The following CDK14 variants were observed in gnomAD, a reference collection of about 807,000 sequenced individuals.
CDK14 encodes the protein cyclin dependent kinase 14, also known as cyclin-dependent kinase 14.
In CDK14, 34 loss-of-function variants were observed where a neutral mutation model predicts 60.7. The observed-to-expected ratio is 0.56, with a 90% CI of 0.43 to 0.75. The LOEUF is 0.75. Among genes scored for constraint, CDK14 ranks in the 30% least tolerant of loss-of-function variants. The probability of loss-of-function intolerance (pLI) is 0.00; values close to 1 mark genes in which losing one functional copy is unlikely to be tolerated. For synonymous variants in CDK14, 197 were observed against 203.7 expected, an observed-to-expected ratio of 0.97 and a Z score of 0.28; for missense variants, 482 against 564.1, an observed-to-expected ratio of 0.85 and a Z score of 1.47.
At position 91,210,097 on chromosome 7, in the gene CDK14, C is replaced by T. The variant is rs957007539; in HGVS notation, c.*2961C>T. ...GGTAGATTATTGCCTGCCCCTTATA[C>T]ATAGGAATATGCTGCATAATTGCGC... On this transcript the variant is annotated 3_prime_UTR_variant, in exon 15 of 15. Transcript: ENST00000380050. The T allele has an allele frequency of 2.6e-5, 4 of 152,626 alleles. No homozygotes were observed. The highest frequency in any genetic ancestry group is 7.2e-5 in the African/African-American group (3 of 41,438). The allele number at this position is 152,626 out of a possible 1,614,324, so 9.5% of individuals were successfully genotyped here.
Position 91,100,545 on chromosome 7 carries a change from CTG to C in CDK14, c.1155-11995_1155-11994del, listed in dbSNP as rs550351720. 1.1e-3 allele frequency among the ~76,000 whole-genome samples: 172 copies of C among 152,258 alleles called. 1 individual carries two copies. The highest frequency in any genetic ancestry group is 1.5e-3 in the Non-Finnish European group (100 of 68,010). On this transcript the variant is annotated intron_variant, in intron 12 of 14. Coordinates refer to ENST00000380050, the MANE Select transcript of CDK14 (RefSeq NM_001287135.2). ...GTCTATGAATATTTTATGATAATGT[CTG>C]TATCAATGGATTTATGAAAGGTAAA...
intron 6 of CDK14, among the ~76,000 whole-genome samples, chr7:90,895,675 C>T (rs1792313681): frequency 6.8e-6 from 1 of 147,160 alleles, no homozygotes; most frequent in Non-Finnish European, 1.5e-5. Flanking sequence ...ATTCTCCTGC[C>T]TCAGCTTCCC....
chr7:90,856,703 T>C (rs1790830290), intron 5 of CDK14, among the ~76,000 whole-genome samples: 1 of 152,198 alleles, frequency 6.6e-6, no homozygotes, highest in African/African-American at 2.4e-5. Flanking sequence ...ATGAAAATAT[T>C]CAGACTCCAC....
At chr7:90,789,581 T>A (rs1805741548) in intron 4 of CDK14, among the ~76,000 whole-genome samples, 1 of 152,074 alleles carries the variant, frequency 6.6e-6, no homozygotes, top group Admixed American at 6.6e-5. Flanking sequence ...GTATTAGGTA[T>A]TATAAGTACT....
At chr7:91,169,090 A>G (rs1801435480) in intron 14 of CDK14, among the ~76,000 whole-genome samples, 1 of 152,246 alleles carries the variant, frequency 6.6e-6, no homozygotes, top group African/African-American at 2.4e-5. Context: ...TTTAAAGACA[A>G]GAAGAATTCA....
At chr7:91,048,649 C>T (rs1249325089) in intron 11 of CDK14, among the ~76,000 whole-genome samples, 1 of 152,200 alleles carries the variant, frequency 6.6e-6, no homozygotes, top group Non-Finnish European at 1.5e-5. Context: ...TACTTCTTCC[C>T]ACAGCTGCTT....
intron 5 of CDK14, among the ~76,000 whole-genome samples, chr7:90,859,479 T>C (rs1187781668): frequency 6.6e-6 from 1 of 152,226 alleles, no homozygotes; most frequent in African/African-American, 2.4e-5. Context: ...GTATCTAAAA[T>C]ATTATTTTAT....
intron 14 of CDK14, 26 bp downstream of exon 14, chr7:91,118,234 A>ATATCC: frequency 9.5e-7 from 1 of 1,057,864 alleles, no homozygotes; most frequent in Non-Finnish European, 1.4e-6. Context: ...TTACCTGGAA[A>ATATCC]GTAATATTTA....
At chr7:91,135,203 CTG>C (rs942586323) in intron 14 of CDK14, among the ~76,000 whole-genome samples, 16 of 151,162 alleles carry the variant, frequency 1.1e-4, no homozygotes, top group Non-Finnish European at 2.2e-4. Flanking sequence ...AAAAAGAAAA[CTG>C]GGGGACAGAG....
At chr7:90,801,260 G>C (rs1333021230) in intron 5 of CDK14, among the ~76,000 whole-genome samples, 1 of 152,074 alleles carries the variant, frequency 6.6e-6, no homozygotes. Flanking sequence ...ACTCTTCTTT[G>C]TTTTCTTATT....
intron 5 of CDK14, among the ~76,000 whole-genome samples, chr7:90,812,574 A>G (rs1410091074): frequency 6.6e-6 from 1 of 152,214 alleles, no homozygotes; most frequent in Non-Finnish European, 1.5e-5. Flanking sequence ...ATATGTTACT[A>G]ACCTGCACAT....
chr7:91,033,775 C>A (rs892585501), intron 10 of CDK14, among the ~76,000 whole-genome samples: 2 of 152,182 alleles, frequency 1.3e-5, no homozygotes, highest in Non-Finnish European at 2.9e-5. Flanking sequence ...TGCACGTGCA[C>A]GTACATTTCC....
At chr7:90,635,574 T>G (rs1197632304) in intron 2 of CDK14, among the ~76,000 whole-genome samples, 1 of 152,234 alleles carries the variant, frequency 6.6e-6, no homozygotes, top group Non-Finnish European at 1.5e-5. Context: ...TTGTGATGCC[T>G]CCAGCTTTGT....
chr7:90,960,858 C>G (rs1174209902), intron 9 of CDK14, among the ~76,000 whole-genome samples: 1 of 152,010 alleles, frequency 6.6e-6, no homozygotes, highest in Non-Finnish European at 1.5e-5. Context: ...TAAATTTGTT[C>G]TATATGAGGT....
intron 4 of CDK14, among the ~76,000 whole-genome samples, chr7:90,776,794 A>T (rs1805065378): frequency 1.3e-5 from 2 of 152,218 alleles, no homozygotes; most frequent in South Asian, 4.1e-4. Flanking sequence ...AAACTGTTTC[A>T]TCACTGTCCG....
chr7:91,014,063 C>T (rs1796237548), intron 10 of CDK14, among the ~76,000 whole-genome samples: 1 of 151,942 alleles, frequency 6.6e-6, no homozygotes. Context: ...TGAAATATCA[C>T]ACTAGATGAC....
chr7:91,154,704 G>A (rs1800932234), intron 14 of CDK14, among the ~76,000 whole-genome samples: 1 of 152,086 alleles, frequency 6.6e-6, no homozygotes. Context: ...TAATTCATTT[G>A]AAGCAATTAG....
chr7:90,617,712 A>G (rs1799683716), intron 2 of CDK14, among the ~76,000 whole-genome samples: 1 of 152,222 alleles, frequency 6.6e-6, no homozygotes, highest in Non-Finnish European at 1.5e-5. Flanking sequence ...CGTTAAAACT[A>G]AGCTTGTATT....
At chr7:90,656,466 G>T (rs1282289051) in intron 2 of CDK14, among the ~76,000 whole-genome samples, 2 of 148,472 alleles carry the variant, frequency 1.3e-5, no homozygotes, top group East Asian at 4.0e-4. Flanking sequence ...TGCAACCTTT[G>T]CCTCACAGGT....
Sources: gnomAD v4.1 joint callset for allele counts (sites outside exome capture counted in the v4.1 genomes callset) on GRCh38, gnomAD v4.1.1 for gene constraint, MANE v1.5 for transcripts, NCBI Gene and HGNC (gene_info 2026-07-23, HGNC 2026-07-21) for gene names.